The following SIPA1L1 variants were observed in gnomAD, a reference collection of about 807,000 sequenced individuals.
The protein encoded by SIPA1L1 is signal induced proliferation associated 1 like 1.
In SIPA1L1, 26 loss-of-function variants were observed where a neutral mutation model predicts 162.7. That is an observed-to-expected ratio of 0.16 (90% CI 0.12 to 0.22). SIPA1L1 has a LOEUF of 0.22. Ranked by LOEUF, SIPA1L1 falls within the 10% of genes least tolerant of loss-of-function variation. SIPA1L1 has a pLI of 1.00. For synonymous variants in SIPA1L1, 829 were observed against 837.4 expected (o/e 0.99, Z 0.17); for missense variants, 1,874 against 2,241.0 (o/e 0.84, Z 3.31).
In SIPA1L1 at chr14:71,494,882, AC is replaced by A. The variant is rs201650350; in HGVS notation, c.-464-17859del. 3.4e-3 allele frequency among the ~76,000 whole-genome samples: 520 copies of A among 152,022 alleles called. 3 individuals are homozygous for A. The highest frequency in any genetic ancestry group is 5.7e-3 in the Non-Finnish European group (390 of 67,966). On this transcript the variant is annotated intron_variant, in intron 2 of 23. Coordinates refer to ENST00000381232, the MANE Select transcript of SIPA1L1 (RefSeq NM_001386936.1). ...TCTCAAACTCCTGACCTCGTGATCC[AC>A]CTGCCTTGGCCTTCCAAAGTGCTGG...
chr14:71,322,402 A>AT (rs1256559620), intron 2 of SIPA1L1, among the ~76,000 whole-genome samples: 34 of 152,196 alleles, frequency 2.2e-4, no homozygotes, highest in Non-Finnish European at 4.6e-4. Flanking sequence ...TATAATCCTG[A>AT]TTTAACGACT....
intron 4 of SIPA1L1, among the ~76,000 whole-genome samples, chr14:71,563,908 A>G (rs2056987063): frequency 6.6e-6 from 1 of 152,200 alleles, no homozygotes. Context: ...AAAGTGGCAT[A>G]CAGAAAGTGC....
chr14:71,422,093 C>T (rs974768558), intron 2 of SIPA1L1, among the ~76,000 whole-genome samples: 1 of 152,254 alleles, frequency 6.6e-6, no homozygotes, highest in African/African-American at 2.4e-5. Context: ...ATGAGGACGT[C>T]TTTCAGTTAT....
intron 7 of SIPA1L1, among the ~76,000 whole-genome samples, chr14:71,642,030 T>C (rs2041765820): frequency 6.6e-6 from 1 of 152,174 alleles, no homozygotes; most frequent in Non-Finnish European, 1.5e-5. Flanking sequence ...TCAATAAAGT[T>C]GATTTAAAAA....
chr14:71,628,841 A>G (rs2040290706), intron 7 of SIPA1L1, among the ~76,000 whole-genome samples: 1 of 152,166 alleles, frequency 6.6e-6, no homozygotes, highest in African/African-American at 2.4e-5. Flanking sequence ...AACAATAAGA[A>G]CGAGACTCGG....
At chr14:71,621,561 A>G (rs1203093211) in intron 6 of SIPA1L1, among the ~76,000 whole-genome samples, 2 of 152,204 alleles carry the variant, frequency 1.3e-5, no homozygotes, top group East Asian at 1.9e-4. Flanking sequence ...TGACCGCTGA[A>G]TCTAAAATTT....
In SIPA1L1 at chr14:71,624,073, T is replaced by C. The variant is rs776933052; in HGVS notation, c.1655T>C (p.Leu552Pro). The C allele has an allele frequency of 3.1e-6, 5 of 1,612,080 alleles. No homozygotes were observed. Among genetic ancestry groups the C allele is most frequent in the Non-Finnish European group, 4.2e-6 (5 of 1,178,852 alleles). Residue 552 changes from leucine to proline, a missense_variant, in exon 7 of 24, where the codon CTG becomes CCG. Physicochemically the swap from Leu to Pro is moderately conservative, Grantham distance 98. Transcript: ENST00000381232. ...CTCATGACACTGAGAGGTTCGGTCC[T>C]GGAGGACGCCATTCCGTCGACAGCC... ...SELMTLRGSV[L>P]EDAIPSTAKH... is the part of the protein sequence containing the mutation.
At chr14:71,538,442 C>T (rs922496347) in intron 4 of SIPA1L1, among the ~76,000 whole-genome samples, 6 of 152,170 alleles carry the variant, frequency 3.9e-5, no homozygotes, top group African/African-American at 1.4e-4. Flanking sequence ...GGACATCATC[C>T]TTTGCAAGGA....
intron 5 of SIPA1L1, among the ~76,000 whole-genome samples, chr14:71,600,281 T>C (rs1284948346): frequency 6.6e-6 from 1 of 152,172 alleles, no homozygotes; most frequent in Non-Finnish European, 1.5e-5. Context: ...CCATCTTCAG[T>C]TGATTTTGTA....
intron 12 of SIPA1L1, among the ~76,000 whole-genome samples, chr14:71,675,618 C>A (rs1038530947): frequency 6.6e-6 from 1 of 152,236 alleles, no homozygotes; most frequent in Non-Finnish European, 1.5e-5. Flanking sequence ...TTCTCCTCCG[C>A]ACTTCACACT....
intron 2 of SIPA1L1, among the ~76,000 whole-genome samples, chr14:71,496,554 A>C (rs899680667): frequency 8.5e-5 from 13 of 152,206 alleles, no homozygotes; most frequent in African/African-American, 3.1e-4. Flanking sequence ...GGACCTTAAA[A>C]AGAATGTGTA....
intron 2 of SIPA1L1, among the ~76,000 whole-genome samples, chr14:71,389,035 C>T (rs921306821): frequency 2.0e-5 from 3 of 152,162 alleles, no homozygotes; most frequent in Admixed American, 1.3e-4. Context: ...CTAGCTCGAC[C>T]TCTCGAAGTG....
intron 17 of SIPA1L1, among the ~76,000 whole-genome samples, chr14:71,713,809 C>T (rs1198097402): frequency 6.6e-6 from 1 of 152,116 alleles, no homozygotes; most frequent in Non-Finnish European, 1.5e-5. Context: ...TGCCTTCCAT[C>T]TTTGTTTAGA....
chr14:71,674,356 C>T (rs375282676), intron 12 of SIPA1L1, among the ~76,000 whole-genome samples: 11 of 152,110 alleles, frequency 7.2e-5, no homozygotes, highest in African/African-American at 2.7e-4. Context: ...GGATAAGAGG[C>T]CTGATCCTGG....
intron 2 of SIPA1L1, among the ~76,000 whole-genome samples, chr14:71,476,922 T>A (rs886528364): frequency 6.6e-6 from 1 of 151,958 alleles, no homozygotes; most frequent in Non-Finnish European, 1.5e-5. Context: ...ACGTATAGAC[T>A]TGTGTAACTA....
At chr14:71,390,489 T>C (rs917063654) in intron 2 of SIPA1L1, among the ~76,000 whole-genome samples, 4 of 152,202 alleles carry the variant, frequency 2.6e-5, no homozygotes, top group Admixed American at 1.3e-4. Flanking sequence ...TATTTTTCTT[T>C]AGTTTCAGTG....
At chr14:71,460,220 A>G (rs916161762) in intron 2 of SIPA1L1, among the ~76,000 whole-genome samples, 1 of 152,138 alleles carries the variant, frequency 6.6e-6, no homozygotes. Context: ...ATTGATGACT[A>G]CCTTTTTCTA....
chr14:71,522,139 T>A (rs1411118288), intron 3 of SIPA1L1, among the ~76,000 whole-genome samples: 2 of 152,248 alleles, frequency 1.3e-5, no homozygotes. Context: ...TCTTAGTTTA[T>A]TGAAAATAAT....
At chr14:71,693,125 T>C (rs138027480) in intron 13 of SIPA1L1, among the ~76,000 whole-genome samples, 209 of 152,334 alleles carry the variant, frequency 1.4e-3, no homozygotes, top group Non-Finnish European at 2.5e-3. Context: ...ATATTTGCAT[T>C]GATCCTATTG....
Sources: gnomAD v4.1 joint callset for allele counts (sites outside exome capture counted in the v4.1 genomes callset) on GRCh38, gnomAD v4.1.1 for gene constraint, MANE v1.5 for transcripts, NCBI Gene and HGNC (gene_info 2026-07-23, HGNC 2026-07-21) for gene names.